Variants in CNTNAP4 observed in about 807,000 individuals in gnomAD.
CNTNAP4 encodes contactin-associated protein-like 4.
CNTNAP4 carries 98 observed loss-of-function variants against 148.4 expected under a neutral mutation model. The ratio of observed to expected loss-of-function variants is 0.66; its 90% CI spans 0.56 to 0.78. The LOEUF is 0.78. Ranked by LOEUF, CNTNAP4 falls within the 30% of genes least tolerant of loss-of-function variation. The probability of loss-of-function intolerance (pLI) is 0.00; values close to 1 mark genes in which losing one functional copy is unlikely to be tolerated. For synonymous variants in CNTNAP4, 730 were observed against 565.1 expected (o/e 1.29, Z -4.14); for missense variants, 1,935 against 1,565.6 (o/e 1.24, Z -3.98).
intron 3 of CNTNAP4, among the ~76,000 whole-genome samples, chr16:76,425,912 G>C (rs1331095925): frequency 6.6e-6 from 1 of 152,166 alleles, no homozygotes; most frequent in Admixed American, 6.5e-5. Context: ...AAGTGTTACT[G>C]TGTGCTCAGA....
At chr16:76,394,820 C>G (rs1597406976) in intron 3 of CNTNAP4, among the ~76,000 whole-genome samples, 1 of 152,094 alleles carries the variant, frequency 6.6e-6, no homozygotes, top group Non-Finnish European at 1.5e-5. Flanking sequence ...AGTGATACAT[C>G]ATTCCCATCT....
chr16:76,337,446 T>A (rs1015455294), intron 2 of CNTNAP4, among the ~76,000 whole-genome samples: 1 of 152,000 alleles, frequency 6.6e-6, no homozygotes, highest in Non-Finnish European at 1.5e-5. Context: ...AACCAGCAAG[T>A]TTTTATTAGG....
chr16:76,360,796 C>G (rs28417722), intron 3 of CNTNAP4, among the ~76,000 whole-genome samples: 1 of 150,024 alleles, frequency 6.7e-6, no homozygotes, highest in South Asian at 2.1e-4. Context: ...CTGCTAATGC[C>G]TGGTTAAAAC....
intron 3 of CNTNAP4, among the ~76,000 whole-genome samples, chr16:76,414,477 T>C (rs1425494894): frequency 3.3e-5 from 5 of 151,282 alleles, no homozygotes; most frequent in Non-Finnish European, 7.4e-5. Context: ...TAAGATCGAC[T>C]TTTATTTTCC....
intron 3 of CNTNAP4, among the ~76,000 whole-genome samples, chr16:76,423,930 A>G (rs1022309773): frequency 6.6e-6 from 1 of 152,046 alleles, no homozygotes; most frequent in Non-Finnish European, 1.5e-5. Flanking sequence ...CCATTATTTT[A>G]TTATTATAAA....
chr16:76,427,876 A>G (rs72797024), intron 4 of CNTNAP4, among the ~76,000 whole-genome samples: 3,863 of 152,282 alleles, frequency 0.025, 69 homozygotes, highest in African/African-American at 0.05. Context: ...AATATTATTG[A>G]CTATGTTGTA....
chr16:76,558,775 A>G lies in CNTNAP4; in HGVS notation c.*92A>G. The G allele has an allele frequency of 1.0e-6, 1 of 981,108 alleles. No homozygotes were observed. Among genetic ancestry groups the G allele is most frequent in the South Asian group, 1.9e-5 (1 of 53,608 alleles). The allele number at this position is 981,108 out of a possible 1,614,324, so 60.8% of individuals were successfully genotyped here. A position where few individuals can be genotyped will look rare whatever the true frequency, so the allele number is the denominator to read the frequency against. ...AAACGAATGCTCTTACACTGAATGTACAGGCAGTGGGCTTGCAGCACTGCC... is the reference window on the plus strand; with the variant it reads ...AAACGAATGCTCTTACACTGAATGTGCAGGCAGTGGGCTTGCAGCACTGCC... On this transcript the variant is annotated 3_prime_UTR_variant, in exon 24 of 24. Coordinates refer to ENST00000611870, the MANE Select transcript of CNTNAP4 (RefSeq NM_033401.5).
At chr16:76,420,592 C>G (rs1041639834) in intron 3 of CNTNAP4, among the ~76,000 whole-genome samples, 12 of 151,838 alleles carry the variant, frequency 7.9e-5, no homozygotes, top group Non-Finnish European at 1.3e-4. Context: ...CCTATGGAAG[C>G]CTGTAAAATA....
chr16:76,338,034 C>G (rs1354518748), intron 2 of CNTNAP4, among the ~76,000 whole-genome samples: 2 of 152,140 alleles, frequency 1.3e-5, no homozygotes, highest in Non-Finnish European at 2.9e-5. Flanking sequence ...ACACAATCAT[C>G]ACAGGATCCT....
At chr16:76,488,716 C>T (rs550118458) in intron 12 of CNTNAP4, among the ~76,000 whole-genome samples, 4 of 152,178 alleles carry the variant, frequency 2.6e-5, no homozygotes, top group Non-Finnish European at 5.9e-5. Flanking sequence ...TCTACTAAAT[C>T]AGAGGCTTTT....
At chr16:76,433,713 T>G (rs578174358) in intron 4 of CNTNAP4, among the ~76,000 whole-genome samples, 1 of 152,166 alleles carries the variant, frequency 6.6e-6, no homozygotes, top group African/African-American at 2.4e-5. Flanking sequence ...AGCAATAAAT[T>G]GGTTAGATTT....
intron 1 of CNTNAP4, among the ~76,000 whole-genome samples, chr16:76,282,396 C>G (rs887386627): frequency 6.6e-6 from 1 of 151,860 alleles, no homozygotes; most frequent in Non-Finnish European, 1.5e-5. Context: ...GTTCAATTAA[C>G]TGTACAAGTA....
chr16:76,467,151 A>G (rs1023271667), intron 9 of CNTNAP4, among the ~76,000 whole-genome samples: 1 of 152,152 alleles, frequency 6.6e-6, no homozygotes, highest in African/African-American at 2.4e-5. Flanking sequence ...ACTTCCTGGG[A>G]ATGCTATGTA....
intron 3 of CNTNAP4, among the ~76,000 whole-genome samples, chr16:76,400,952 A>G (rs1193009532): frequency 6.6e-6 from 1 of 152,180 alleles, no homozygotes; most frequent in Non-Finnish European, 1.5e-5. Flanking sequence ...ACTGTAGTAC[A>G]GTTTGAAGTC....
chr16:76,347,233 T>C (rs1964982937), intron 2 of CNTNAP4, among the ~76,000 whole-genome samples: 1 of 152,058 alleles, frequency 6.6e-6, no homozygotes, highest in Non-Finnish European at 1.5e-5. Context: ...CAAAGAACAG[T>C]ATTCTGTGCC....
chr16:76,323,647 T>C (rs899728517), intron 2 of CNTNAP4, among the ~76,000 whole-genome samples: 1 of 152,196 alleles, frequency 6.6e-6, no homozygotes, highest in Admixed American at 6.5e-5. Flanking sequence ...TGGTTCCCTC[T>C]TGGCTTTCGA....
rs545834354 is a variant in CNTNAP4, at chr16:76,329,544, A to AT, written c.196+13026dup. On this transcript the variant is annotated intron_variant, in intron 2 of 23. Transcript: ENST00000611870. ...GAAAAGCCATAGAAAAAATTGTGTG[A>AT]TTTTTATAAAGTCTTTCTTTCGATT... Among the ~76,000 whole-genome samples, 281 of 152,314 alleles carry AT rather than the reference A, an allele frequency of 1.8e-3. 2 individuals carry two copies. The highest frequency in any genetic ancestry group is 6.6e-3 in the African/African-American group (274 of 41,578).
chr16:76,517,844 C>T (rs1008234859), intron 15 of CNTNAP4, among the ~76,000 whole-genome samples: 1 of 152,138 alleles, frequency 6.6e-6, no homozygotes, highest in African/African-American at 2.4e-5. Context: ...TCTCCCTAAC[C>T]CTGGGAAACC....
intron 2 of CNTNAP4, among the ~76,000 whole-genome samples, chr16:76,346,526 A>G (rs1964917216): frequency 1.3e-5 from 2 of 151,858 alleles, no homozygotes; most frequent in African/African-American, 4.8e-5. Context: ...GCATGATGTC[A>G]TTTACTGAAA....
Sources: gnomAD v4.1 joint callset for allele counts (sites outside exome capture counted in the v4.1 genomes callset) on GRCh38, gnomAD v4.1.1 for gene constraint, MANE v1.5 for transcripts, NCBI Gene and HGNC (gene_info 2026-07-23, HGNC 2026-07-21) for gene names.